Variants in ZMAT4 observed in about 807,000 individuals in gnomAD.
The protein encoded by ZMAT4 is zinc finger matrin-type protein 4.
Under a neutral mutation model 28.7 loss-of-function variants are expected in ZMAT4, and 17 were observed. That is an observed-to-expected ratio of 0.59 (90% confidence interval 0.41 to 0.89). The LOEUF is 0.89. Ranked by LOEUF, ZMAT4 falls within the 40% of genes least tolerant of loss-of-function variation. The pLI is 0.00. For synonymous variants in ZMAT4, 117 were observed against 109.2 expected, an observed-to-expected ratio of 1.07 and a Z score of -0.44; for missense variants, 240 against 283.8, an observed-to-expected ratio of 0.85 and a Z score of 1.11.
chr8:40,893,839 T>G (rs74342528), intron 1 of ZMAT4, among the ~76,000 whole-genome samples: 1 of 152,064 alleles, frequency 6.6e-6, no homozygotes, highest in African/African-American at 2.4e-5. Flanking sequence ...CACCCTCAGG[T>G]AGGCCCCTAT....
intron 2 of ZMAT4, among the ~76,000 whole-genome samples, chr8:40,789,812 T>A (rs932659100): frequency 6.6e-5 from 10 of 152,218 alleles, no homozygotes; most frequent in Non-Finnish European, 1.3e-4. Flanking sequence ...GGCAAACTAC[T>A]GTGTAGCAGA....
intron 2 of ZMAT4, among the ~76,000 whole-genome samples, chr8:40,805,260 A>G (rs972266683): frequency 2.0e-5 from 3 of 149,842 alleles, no homozygotes; most frequent in Non-Finnish European, 4.5e-5. Flanking sequence ...CACCAGTTAG[A>G]ATGGCAATCA....
At chr8:40,615,992 A>C (rs578066811) in intron 5 of ZMAT4, among the ~76,000 whole-genome samples, 66 of 152,296 alleles carry the variant, frequency 4.3e-4, no homozygotes, top group African/African-American at 1.4e-3. Flanking sequence ...ACTCATCTGA[A>C]AAAGGGCTAA....
intron 5 of ZMAT4, among the ~76,000 whole-genome samples, chr8:40,597,798 T>A (rs1208404701): frequency 6.6e-6 from 1 of 152,174 alleles, no homozygotes; most frequent in East Asian, 1.9e-4. Flanking sequence ...TAAAAGGTAA[T>A]GTGGATAAAC....
intron 1 of ZMAT4, among the ~76,000 whole-genome samples, chr8:40,885,794 C>T (rs989583882): frequency 3.9e-5 from 6 of 152,232 alleles, no homozygotes; most frequent in African/African-American, 9.6e-5. Flanking sequence ...CAAATACCCA[C>T]GGGGACCATC....
intron 1 of ZMAT4, among the ~76,000 whole-genome samples, chr8:40,850,552 T>G (rs975473958): frequency 2.0e-5 from 3 of 152,200 alleles, no homozygotes; most frequent in African/African-American, 7.2e-5. Context: ...ATCTCTTCTA[T>G]CTTATGGATA....
chr8:40,738,862 T>C (rs1051271442), intron 3 of ZMAT4, among the ~76,000 whole-genome samples: 1 of 152,170 alleles, frequency 6.6e-6, no homozygotes, highest in Non-Finnish European at 1.5e-5. Flanking sequence ...ATCACAAAAA[T>C]TGCTATTGCT....
In ZMAT4 at chr8:40,545,177, G is replaced by A. The variant is rs1207145536; in HGVS notation, c.675-12939C>T. On this transcript the variant is annotated intron_variant, in intron 6 of 6. Transcript: ENST00000297737. ...TTTGTGGATTTTTTCAAGCAACTGC[G>A]CGAGTGAGGTTGAGAGCAGACTCCC... 4.6e-5 allele frequency among the ~76,000 whole-genome samples: 7 copies of A among 151,988 alleles called. No homozygotes were observed. In the East Asian group the frequency reaches 5.8e-4, roughly 13 times the overall value.
At chr8:40,720,754 G>T (rs1435400005) in intron 3 of ZMAT4, among the ~76,000 whole-genome samples, 2 of 151,854 alleles carry the variant, frequency 1.3e-5, no homozygotes, top group Non-Finnish European at 2.9e-5. Context: ...TTGAACTCCT[G>T]ACCTCAAGTA....
chr8:40,540,256 G>A (rs1240330993), intron 6 of ZMAT4, among the ~76,000 whole-genome samples: 1 of 152,160 alleles, frequency 6.6e-6, no homozygotes, highest in Non-Finnish European at 1.5e-5. Flanking sequence ...TGGAACCTGG[G>A]ATTCAAGCTG....
At position 40,531,810 on chromosome 8, in the gene ZMAT4, A is replaced by G. The variant is rs1019263222; in HGVS notation, c.*413T>C. On this transcript the variant is annotated 3_prime_UTR_variant, in exon 7 of 7. Coordinates refer to ENST00000297737, the MANE Select transcript of ZMAT4 (RefSeq NM_024645.3). ...GTCCAACATGATGAGAAAAGAATGT[A>G]TATTTCTGGATAGAGGTGGTTTACA... is the stretch of plus-strand genomic sequence containing the variant. The G allele has an allele frequency of 1.3e-5, 2 of 156,324 alleles. No homozygotes were observed. Among genetic ancestry groups the G allele is most frequent in the Non-Finnish European group, 2.8e-5 (2 of 70,620 alleles). 9.7% of individuals were successfully genotyped at this position (156,324 alleles called of 1,614,324 possible).
intron 6 of ZMAT4, among the ~76,000 whole-genome samples, chr8:40,576,640 C>G (rs1804276179): frequency 1.3e-5 from 2 of 151,636 alleles, no homozygotes; most frequent in South Asian, 2.1e-4. Flanking sequence ...ATCACCAGAC[C>G]AGCCTTACAA....
chr8:40,609,947 C>T (rs1019126912), intron 5 of ZMAT4, among the ~76,000 whole-genome samples: 1 of 152,184 alleles, frequency 6.6e-6, no homozygotes, highest in Non-Finnish European at 1.5e-5. Flanking sequence ...GGTCTCAGCC[C>T]TTTATTCTGT....
Position 40,751,573 on chromosome 8 carries a change from C to T in ZMAT4, c.192+16068G>A, listed in dbSNP as rs1401000995. On this transcript the variant is annotated intron_variant, in intron 3 of 6. Transcript: ENST00000297737. Reference sequence around the variant, plus strand: ...ATCGCCTCCCACCAGGTCCCACTTCCGACACTGGGAATTACATTTCAACCT... The same window carrying T: ...ATCGCCTCCCACCAGGTCCCACTTCTGACACTGGGAATTACATTTCAACCT... Among the ~76,000 whole-genome samples the T allele has an allele frequency of 2.6e-5, 4 of 152,080 alleles. 1 individual carries two copies. The South Asian group carries it at 6.3e-4, about 24-fold the overall frequency.
intron 5 of ZMAT4, among the ~76,000 whole-genome samples, chr8:40,609,133 C>T (rs1805704626): frequency 6.6e-6 from 1 of 152,174 alleles, no homozygotes; most frequent in African/African-American, 2.4e-5. Context: ...CAATACATTG[C>T]AGACCATACT....
chr8:40,604,712 G>A (rs1805520162), intron 5 of ZMAT4, among the ~76,000 whole-genome samples: 1 of 152,090 alleles, frequency 6.6e-6, no homozygotes, highest in Non-Finnish European at 1.5e-5. Flanking sequence ...TCTTGGCTTT[G>A]CTATCAGGGT....
At chr8:40,614,160 C>A (rs1204980692) in intron 5 of ZMAT4, among the ~76,000 whole-genome samples, 1 of 152,172 alleles carries the variant, frequency 6.6e-6, no homozygotes, top group Non-Finnish European at 1.5e-5. Context: ...ACTTTTGCTG[C>A]CCTGGGTTTG....
intron 4 of ZMAT4, among the ~76,000 whole-genome samples, chr8:40,686,851 A>G (rs867916558): frequency 1.3e-5 from 2 of 152,130 alleles, no homozygotes; most frequent in South Asian, 2.1e-4. Flanking sequence ...TCTGTTTGAC[A>G]AAAGTTACTT....
At chr8:40,560,164 C>T (rs922020413) in intron 6 of ZMAT4, among the ~76,000 whole-genome samples, 3 of 149,762 alleles carry the variant, frequency 2.0e-5, no homozygotes, top group African/African-American at 4.9e-5. Flanking sequence ...AAGTGATTTC[C>T]TTTTGAATTA....
Sources: allele counts gnomAD v4.1 joint callset (sites outside exome capture counted in the v4.1 genomes callset), GRCh38; gene constraint gnomAD v4.1.1; transcripts MANE v1.5; gene names NCBI Gene and HGNC (gene_info 2026-07-23, HGNC 2026-07-21).